The following ABCB1 variants were observed in gnomAD, a reference collection of about 807,000 sequenced individuals.
The protein encoded by ABCB1 is ATP-dependent translocase ABCB1.
In ABCB1, 69 loss-of-function variants were observed where a neutral mutation model predicts 142.0. That is an observed-to-expected ratio of 0.49 (90% confidence interval 0.40 to 0.59). The LOEUF (loss-of-function observed/expected upper bound fraction) is 0.59, where lower values mean the gene tolerates loss of function less well. Among genes scored for constraint, ABCB1 ranks in the 20% least tolerant of loss-of-function variants. The pLI, the probability that ABCB1 is intolerant of heterozygous loss-of-function variation, is 0.00. For missense variants in ABCB1, 1,326 were observed against 1,554.7 expected, an observed-to-expected ratio of 0.85 and a Z score of 2.47; for synonymous variants, 532 against 539.2, an observed-to-expected ratio of 0.99 and a Z score of 0.18.
intron 19 of ABCB1, 44 bp downstream of exon 19, chr7:87,539,224 G>A: frequency 6.4e-7 from 1 of 1,566,938 alleles, no homozygotes; most frequent in Non-Finnish European, 8.8e-7. Flanking sequence ...GGGCACACAT[G>A]GGGAGTTCTA....
intron 24 of ABCB1, 60 bp from the exon 25 acceptor site, chr7:87,515,488 G>C: frequency 6.6e-7 from 1 of 1,504,730 alleles, no homozygotes; most frequent in Non-Finnish European, 9.2e-7. Context: ...AAAGTGTATA[G>C]CTAACTCTCT....
chr7:87,641,599 C>T (rs1237973066), intron 1 of ABCB1, among the ~76,000 whole-genome samples: 1 of 152,182 alleles, frequency 6.6e-6, no homozygotes, highest in Non-Finnish European at 1.5e-5. Flanking sequence ...AGCTGGCCGA[C>T]AGCTGTGAAT....
chr7:87,660,859 A>G (rs962462047), intron 1 of ABCB1, among the ~76,000 whole-genome samples: 4 of 151,986 alleles, frequency 2.6e-5, no homozygotes, highest in African/African-American at 9.7e-5. Flanking sequence ...TTCTGAAAAT[A>G]GGAGATTTTA....
At chr7:87,622,038 C>T (rs1045251689) in intron 1 of ABCB1, among the ~76,000 whole-genome samples, 1 of 151,684 alleles carries the variant, frequency 6.6e-6, no homozygotes, top group African/African-American at 2.4e-5. Context: ...AAAAAAGTAA[C>T]CATAAAGTAT....
chr7:87,565,241 G>C (rs762887478), intron 7 of ABCB1, among the ~76,000 whole-genome samples: 1 of 152,058 alleles, frequency 6.6e-6, no homozygotes, highest in Non-Finnish European at 1.5e-5. Flanking sequence ...CTTGGTTTTG[G>C]TTGTCCATTC....
chr7:87,629,015 C>G, intron 1 of ABCB1: 1 of 1,261,880 alleles, frequency 7.9e-7, no homozygotes. Context: ...CCGCGCGGGT[C>G]CTTGGGGGTC....
chr7:87,540,813 G>C (rs1044452808), intron 18 of ABCB1, among the ~76,000 whole-genome samples: 1 of 152,148 alleles, frequency 6.6e-6, no homozygotes, highest in Non-Finnish European at 1.5e-5. Flanking sequence ...TGATTTGCAA[G>C]CTGTAAAAAT....
intron 4 of ABCB1, among the ~76,000 whole-genome samples, chr7:87,571,304 A>G (rs1480226450): frequency 6.6e-6 from 1 of 152,184 alleles, no homozygotes; most frequent in African/African-American, 2.4e-5. Context: ...CTGGAAAGAT[A>G]ATCTGGGTCC....
intron 4 of ABCB1, 133 bp downstream of exon 4, chr7:87,585,379 A>G: frequency 1.2e-6 from 1 of 856,138 alleles, no homozygotes; most frequent in Admixed American, 2.1e-5. Context: ...AATATGAATT[A>G]TAACTCAGAC....
chr7:87,710,914 A>G (rs1324985608), intron 1 of ABCB1, among the ~76,000 whole-genome samples: 1 of 151,864 alleles, frequency 6.6e-6, no homozygotes, highest in Non-Finnish European at 1.5e-5. Flanking sequence ...TACTCTTTCA[A>G]CTCTTGAAGC....
Position 87,609,802 on chromosome 7 carries a change from A to C in ABCB1, c.-330-8724T>G, listed in dbSNP as rs567361354. On this transcript the variant is annotated intron_variant, in intron 1 of 28. Coordinates refer to the ABCB1 transcript ENST00000265724. ...TAGTGGTATCTGTAGTCCAAGTATC[A>C]GATACCAAAGCTGGCCAACTGAGGC... 2.6e-5 allele frequency among the ~76,000 whole-genome samples: 4 copies of C among 152,280 alleles called. No homozygotes were observed. In the South Asian group the frequency reaches 8.3e-4, roughly 32 times the overall value.
chr7:87,593,821 G>A (rs925550507), intron 3 of ABCB1, among the ~76,000 whole-genome samples: 1 of 152,192 alleles, frequency 6.6e-6, no homozygotes, highest in African/African-American at 2.4e-5. Flanking sequence ...CATTAGGAGA[G>A]AACTCTAGGA....
At chr7:87,642,924 T>G (rs1032983404) in intron 1 of ABCB1, among the ~76,000 whole-genome samples, 1 of 152,198 alleles carries the variant, frequency 6.6e-6, no homozygotes, top group African/African-American at 2.4e-5. Context: ...TTTTAAAATT[T>G]TCCTTTTTAG....
In ABCB1 at chr7:87,504,198, C is replaced by A. The variant is rs371458048; in HGVS notation, c.*45G>T. On this transcript the variant is annotated 3_prime_UTR_variant, in exon 28 of 28. Transcript: ENST00000622132. ...TTTTAACTTTGAATAAATGTCATAT[C>A]TAAACAAATATTAAAAAGTATTTAA... 3 of 1,609,916 alleles carry A rather than the reference C, an allele frequency of 1.9e-6. No individual in the cohort carries two copies. The highest frequency in any genetic ancestry group is 1.1e-5 in the South Asian group (1 of 90,868).
At chr7:87,582,676 T>C (rs984618632) in intron 4 of ABCB1, among the ~76,000 whole-genome samples, 1 of 152,260 alleles carries the variant, frequency 6.6e-6, no homozygotes, top group Admixed American at 6.5e-5. Context: ...CATTGTGGCA[T>C]AGAAGCAGCC....
chr7:87,616,046 T>C (rs541281174), intron 1 of ABCB1, among the ~76,000 whole-genome samples: 2 of 152,342 alleles, frequency 1.3e-5, no homozygotes, highest in Admixed American at 6.5e-5. Context: ...AGCTATTGCC[T>C]AGTATAAGAT....
chr7:87,575,979 C>CAATT (rs1252912023), intron 4 of ABCB1, among the ~76,000 whole-genome samples: 3 of 152,122 alleles, frequency 2.0e-5, no homozygotes, highest in Admixed American at 6.5e-5. Flanking sequence ...AACCCGCAAG[C>CAATT]AATTCCATTA....
chr7:87,712,731 A>G (rs1458943540), intron 1 of ABCB1, among the ~76,000 whole-genome samples: 1 of 152,108 alleles, frequency 6.6e-6, no homozygotes, highest in Non-Finnish European at 1.5e-5. Context: ...GCTCTAAAAA[A>G]GTACATGAAG....
At position 87,519,344 on chromosome 7, in the gene ABCB1, CTCA is replaced by C; in HGVS notation, c.2906_2908del (p.Met969del). 1 of 1,614,106 alleles carries C rather than the reference CTCA, an allele frequency of 6.2e-7. No homozygotes were observed. Among genetic ancestry groups the C allele is most frequent in the Non-Finnish European group, 8.5e-7 (1 of 1,179,950 alleles). ...TACTTACAACAGAACATCCTCAAAG[CTCA>C]TGAGTTTATGTGCCACCAAGTAGGC... is the stretch of plus-strand genomic sequence containing the variant. On this transcript the variant is annotated inframe_deletion, in exon 23 of 28. Transcript: ENST00000622132.
Sources: gnomAD v4.1 joint callset for allele counts (sites outside exome capture counted in the v4.1 genomes callset) on GRCh38, gnomAD v4.1.1 for gene constraint, MANE v1.5 for transcripts, NCBI Gene and HGNC (gene_info 2026-07-23, HGNC 2026-07-21) for gene names.